The following ALOX5AP variants were observed in gnomAD, a reference collection of about 807,000 sequenced individuals.
ALOX5AP encodes the protein arachidonate 5-lipoxygenase-activating protein.
ALOX5AP carries 9 observed loss-of-function variants against 18.5 expected under a neutral mutation model. That is an observed-to-expected ratio of 0.49 (90% confidence interval 0.29 to 0.85). The LOEUF is 0.85. ALOX5AP is among the 40% of genes least tolerant of loss of function. ALOX5AP has a pLI of 0.08. For missense variants in ALOX5AP, 172 were observed against 202.5 expected, an observed-to-expected ratio of 0.85 and a Z score of 0.91; for synonymous variants, 81 against 78.6, an observed-to-expected ratio of 1.03 and a Z score of -0.16.
chr13:30,743,084 G>A (rs976572342), intron 1 of ALOX5AP, among the ~76,000 whole-genome samples: 6 of 152,060 alleles, frequency 3.9e-5, no homozygotes, highest in Admixed American at 2.0e-4. Context: ...GCTCTCAGAC[G>A]GAACTAAGTT....
chr13:30,742,859 G>C (rs1250411062), intron 1 of ALOX5AP, among the ~76,000 whole-genome samples: 24 of 106,028 alleles, frequency 2.3e-4, no homozygotes, highest in Admixed American at 3.2e-4. Flanking sequence ...GACCTTCACC[G>C]CCCCCCCCCC....
intron 2 of ALOX5AP, among the ~76,000 whole-genome samples, chr13:30,746,868 G>A (rs942701260): frequency 5.9e-5 from 9 of 152,184 alleles, no homozygotes; most frequent in African/African-American, 2.2e-4. Context: ...TGGGGTGTGG[G>A]ATCATAAATG....
chr13:30,726,794 T>C (rs1229824147), intron 1 of ALOX5AP, among the ~76,000 whole-genome samples: 2 of 151,894 alleles, frequency 1.3e-5, no homozygotes, highest in Admixed American at 6.6e-5. Flanking sequence ...GTCCTCCGAG[T>C]AGCTGGGACT....
At chr13:30,714,971 A>ATC in intron 1 of ALOX5AP, among the ~76,000 whole-genome samples, 1 of 152,276 alleles carries the variant, frequency 6.6e-6, no homozygotes, top group Middle Eastern at 3.4e-3. Context: ...GGAAGGGGTC[A>ATC]TCTCTCTGGC....
intron 2 of ALOX5AP, among the ~76,000 whole-genome samples, chr13:30,747,543 C>T (rs1486396634): frequency 6.6e-6 from 1 of 152,106 alleles, no homozygotes; most frequent in Non-Finnish European, 1.5e-5. Context: ...CAGCCTTGGT[C>T]AAAGTTTGGT....
intron 1 of ALOX5AP, among the ~76,000 whole-genome samples, chr13:30,714,813 C>T (rs1018648343): frequency 6.6e-6 from 1 of 152,342 alleles, no homozygotes; most frequent in East Asian, 1.9e-4. Flanking sequence ...ACTTAGCTTA[C>T]AGCCTCTGGT....
chr13:30,739,626 G>T (rs146888508), intron 1 of ALOX5AP, among the ~76,000 whole-genome samples: 1 of 152,092 alleles, frequency 6.6e-6, no homozygotes, highest in Non-Finnish European at 1.5e-5. Flanking sequence ...GTAAGGACAG[G>T]GTTTCACCAT....
intron 1 of ALOX5AP, among the ~76,000 whole-genome samples, chr13:30,721,403 G>T (rs1277347831): frequency 1.3e-5 from 2 of 152,186 alleles, no homozygotes; most frequent in African/African-American, 4.8e-5. Context: ...GACTTCTCAG[G>T]CAGTGGCCCC....
At chr13:30,726,119 T>A (rs541024275) in intron 1 of ALOX5AP, among the ~76,000 whole-genome samples, 1 of 152,290 alleles carries the variant, frequency 6.6e-6, no homozygotes, top group East Asian at 1.9e-4. Flanking sequence ...ATTGCAGAAA[T>A]CTTAGCTCCT....
At chr13:30,761,289 C>G (rs749179132) in intron 4 of ALOX5AP, among the ~76,000 whole-genome samples, 1 of 152,208 alleles carries the variant, frequency 6.6e-6, no homozygotes, top group Non-Finnish European at 1.5e-5. Flanking sequence ...TGGAAAAAAT[C>G]CTACCTGAAT....
At chr13:30,731,504 C>G (rs1951680404), upstream of ALOX5AP, among the ~76,000 whole-genome samples, 1 of 152,040 alleles carries the variant, frequency 6.6e-6, no homozygotes. Context: ...CCCCGAGTAG[C>G]TGGGACTACA....
intron 1 of ALOX5AP, among the ~76,000 whole-genome samples, chr13:30,730,228 C>A (rs1389820667): frequency 6.6e-6 from 1 of 152,224 alleles, no homozygotes; most frequent in Non-Finnish European, 1.5e-5. Context: ...TATAGAATGG[C>A]ATGAGGATTC....
At chr13:30,760,903 TG>T (rs1335958274) in intron 4 of ALOX5AP, among the ~76,000 whole-genome samples, 1 of 152,068 alleles carries the variant, frequency 6.6e-6, no homozygotes, top group Non-Finnish European at 1.5e-5. Context: ...CTTCTGTGGT[TG>T]GTATAAAAAA....
At chr13:30,729,508 C>A (rs1303255784) in intron 1 of ALOX5AP, among the ~76,000 whole-genome samples, 7 of 151,884 alleles carry the variant, frequency 4.6e-5, no homozygotes, top group Admixed American at 4.6e-4. Flanking sequence ...GACTGACCTC[C>A]TTTCCTTGGA....
exon 1 of ALOX5AP, chr13:30,713,837 T>A: frequency 6.8e-7 from 1 of 1,479,128 alleles, no homozygotes; most frequent in Middle Eastern, 1.7e-4. Context: ...AAGCCATCAG[T>A]GCTGGTGTGT....
upstream of ALOX5AP, among the ~76,000 whole-genome samples, chr13:30,733,561 G>C (rs575876701): frequency 6.6e-6 from 1 of 152,292 alleles, no homozygotes; most frequent in East Asian, 1.9e-4. Context: ...ATAACTCTGT[G>C]GTAGTTAATT....
intron 1 of ALOX5AP, among the ~76,000 whole-genome samples, chr13:30,724,619 G>A (rs763484951): frequency 1.3e-5 from 2 of 152,362 alleles, no homozygotes; most frequent in Non-Finnish European, 2.9e-5. Context: ...GAGCAAAGCT[G>A]TGTCATTCCC....
chr13:30,757,981 C>T (rs1476598905), intron 4 of ALOX5AP, among the ~76,000 whole-genome samples: 4 of 152,132 alleles, frequency 2.6e-5, no homozygotes, highest in African/African-American at 4.8e-5. Flanking sequence ...CCGCCATCTG[C>T]GCGGGTTCTA....
intron 1 of ALOX5AP, among the ~76,000 whole-genome samples, chr13:30,727,924 G>T (rs991889780): frequency 8.6e-5 from 13 of 152,002 alleles, no homozygotes; most frequent in African/African-American, 3.1e-4. Flanking sequence ...TTAGGATTCA[G>T]CACCAGCCAC....
Sources: allele counts gnomAD v4.1 joint callset (sites outside exome capture counted in the v4.1 genomes callset), GRCh38; gene constraint gnomAD v4.1.1; transcripts MANE v1.5; gene names NCBI Gene and HGNC (gene_info 2026-07-23, HGNC 2026-07-21).